XYLT1: variants seen among roughly 807,000 people sequenced by gnomAD.
XYLT1 encodes the protein beta-D-xylosyltransferase 1.
In XYLT1, 36 loss-of-function variants were observed where a neutral mutation model predicts 91.3. That is an observed-to-expected ratio of 0.39 (90% CI 0.30 to 0.52). The LOEUF (loss-of-function observed/expected upper bound fraction) is 0.52. Among genes scored for constraint, XYLT1 ranks in the 20% least tolerant of loss-of-function variants. XYLT1 has a pLI of 0.68. For synonymous variants in XYLT1, 588 were observed against 532.0 expected (o/e 1.11, Z -1.45); for missense variants, 1,242 against 1,284.5 (o/e 0.97, Z 0.51).
At chr16:17,349,507 T>C (rs1415107184) in intron 2 of XYLT1, among the ~76,000 whole-genome samples, 2 of 152,034 alleles carry the variant, frequency 1.3e-5, no homozygotes, top group African/African-American at 4.8e-5. Flanking sequence ...TCTCTGGCTT[T>C]AGCAGGCTCC....
At chr16:17,336,466 A>G (rs537132766) in intron 2 of XYLT1, among the ~76,000 whole-genome samples, 35 of 152,290 alleles carry the variant, frequency 2.3e-4, no homozygotes, top group Admixed American at 3.9e-4. Flanking sequence ...AGGCAGGCAA[A>G]GGCCAGTGAG....
At chr16:17,183,546 C>G (rs1459274472) in intron 5 of XYLT1, among the ~76,000 whole-genome samples, 1 of 152,186 alleles carries the variant, frequency 6.6e-6, no homozygotes, top group East Asian at 1.9e-4. Flanking sequence ...TGAGAAAATC[C>G]CTTTACTTCT....
chr16:17,252,047 CTCCTT>C (rs1209070483), intron 3 of XYLT1, among the ~76,000 whole-genome samples: 2 of 152,144 alleles, frequency 1.3e-5, no homozygotes, highest in African/African-American at 2.4e-5. Context: ...TTCCTCTCCT[CTCCTT>C]TCCTCTTCTT....
At chr16:17,163,636 T>G (rs970386856) in intron 5 of XYLT1, among the ~76,000 whole-genome samples, 1 of 152,136 alleles carries the variant, frequency 6.6e-6, no homozygotes, top group Non-Finnish European at 1.5e-5. Flanking sequence ...ACGCAGGATT[T>G]TGTGAATGTC....
chr16:17,450,364 A>AACAAACAAAC (rs956678165), intron 1 of XYLT1, among the ~76,000 whole-genome samples: 3 of 137,166 alleles, frequency 2.2e-5, no homozygotes, highest in Non-Finnish European at 3.1e-5. Flanking sequence ...CAAACAAACA[A>AACAAACAAAC]AAAAAAAAAG....
chr16:17,314,049 C>T (rs2034589737), intron 2 of XYLT1, among the ~76,000 whole-genome samples: 1 of 152,190 alleles, frequency 6.6e-6, no homozygotes, highest in Non-Finnish European at 1.5e-5. Context: ...GCCAAAAGAA[C>T]ATTAGAACTC....
intron 5 of XYLT1, among the ~76,000 whole-genome samples, chr16:17,167,748 A>G (rs1388343115): frequency 6.6e-6 from 1 of 151,440 alleles, no homozygotes; most frequent in Non-Finnish European, 1.5e-5. Flanking sequence ...CCATCCTTCC[A>G]TCTCATGCAT....
chr16:17,258,523 GAA>G (rs764677462), intron 3 of XYLT1, among the ~76,000 whole-genome samples: 13 of 151,930 alleles, frequency 8.6e-5, no homozygotes, highest in South Asian at 4.2e-4. Flanking sequence ...AAAGAGAAGA[GAA>G]GAGGGAAAGA....
intron 5 of XYLT1, among the ~76,000 whole-genome samples, chr16:17,189,005 C>T (rs1187585800): frequency 6.6e-6 from 1 of 152,148 alleles, no homozygotes; most frequent in Non-Finnish European, 1.5e-5. Flanking sequence ...CTGCTTAGCA[C>T]AGTGTCCAAC....
At chr16:17,201,849 GC>G (rs1007857749) in intron 3 of XYLT1, among the ~76,000 whole-genome samples, 6 of 152,104 alleles carry the variant, frequency 3.9e-5, no homozygotes, top group Non-Finnish European at 8.8e-5. Flanking sequence ...GAGAGAGGTT[GC>G]CTGAGAAGAA....
chr16:17,191,053 T>G (rs924752766), intron 5 of XYLT1, among the ~76,000 whole-genome samples: 4 of 152,210 alleles, frequency 2.6e-5, no homozygotes, highest in African/African-American at 9.7e-5. Context: ...TTTTTTTGTT[T>G]TAGGCTTTTA....
chr16:17,286,680 C>CATCATCATCATCCTT (rs2034145266), intron 2 of XYLT1, among the ~76,000 whole-genome samples: 1 of 152,196 alleles, frequency 6.6e-6, no homozygotes, highest in Admixed American at 6.5e-5. Context: ...TCATCATCCT[C>CATCATCATCATCCTT]ATCATCATCC....
chr16:17,131,520 A>AG (rs1210257280), intron 9 of XYLT1, among the ~76,000 whole-genome samples: 1 of 152,170 alleles, frequency 6.6e-6, no homozygotes, highest in African/African-American at 2.4e-5. Context: ...CCCACCCTGC[A>AG]GGGGGCACAC....
chr16:17,319,280 T>C (rs138800500), intron 2 of XYLT1, among the ~76,000 whole-genome samples: 1,795 of 152,278 alleles, frequency 0.012, 16 homozygotes, highest in Middle Eastern at 0.048. Flanking sequence ...TCTTGAAACA[T>C]TTGTTCAATG....
rs1261414108 is a variant in XYLT1, at chr16:17,134,585, C to T, written c.1915G>A (p.Asp639Asn). 2 of 1,614,168 alleles carry T rather than the reference C, an allele frequency of 1.2e-6. No homozygotes were observed. The highest frequency in any genetic ancestry group is 2.2e-5 in the East Asian group (1 of 44,882). The change falls in exon 9 of 12, where the codon GAC becomes AAC. Residue 639 changes from aspartate to asparagine, a missense_variant. This residue lies in a region of XYLT1 where 511 missense variants were observed against 497.0 expected (regional missense o/e 1.03). Coordinates refer to ENST00000261381, the MANE Select transcript of XYLT1 (RefSeq NM_022166.4). ...SYWENVYDEP[D>N]GIHSLSDVTL... The stretch of plus-strand genomic sequence containing the variant: ...ACGTCGCTCAGGCTGTGGATGCCGT[C>T]AGGCTCATCGTAGACATTCTCCCAG...
chr16:17,415,673 C>T (rs552495044), intron 1 of XYLT1, among the ~76,000 whole-genome samples: 2 of 151,628 alleles, frequency 1.3e-5, no homozygotes, highest in African/African-American at 4.9e-5. Context: ...GCTTGGGCTA[C>T]AGAGTGAGAC....
chr16:17,268,543 T>C (rs939300411), intron 2 of XYLT1, among the ~76,000 whole-genome samples: 1 of 152,146 alleles, frequency 6.6e-6, no homozygotes, highest in African/African-American at 2.4e-5. Context: ...TTATTAAAAT[T>C]AAAAGTTTAG....
chr16:17,452,722 T>A (rs2036682927), intron 1 of XYLT1, among the ~76,000 whole-genome samples: 1 of 152,214 alleles, frequency 6.6e-6, no homozygotes. Context: ...ATCTTATTGT[T>A]TTATGAAGGA....
At chr16:17,253,412 C>T (rs1222287853) in intron 3 of XYLT1, among the ~76,000 whole-genome samples, 1 of 152,128 alleles carries the variant, frequency 6.6e-6, no homozygotes, top group East Asian at 1.9e-4. Flanking sequence ...CAAACTCCGG[C>T]AAACTCACAC....
Sources: allele counts gnomAD v4.1 joint callset (sites outside exome capture counted in the v4.1 genomes callset), GRCh38; gene constraint gnomAD v4.1.1; regional missense constraint gnomAD v4.1.1; transcripts MANE v1.5; gene names NCBI Gene and HGNC (gene_info 2026-07-23, HGNC 2026-07-21).